Variants in CNN1 observed in about 807,000 individuals in gnomAD.
CNN1 encodes calponin-1.
Under a neutral mutation model 35.3 loss-of-function variants are expected in CNN1, and 21 were observed. That is an observed-to-expected ratio of 0.60 (90% CI 0.42 to 0.86). CNN1 has a LOEUF of 0.86. CNN1 is among the 40% of genes least tolerant of loss of function. CNN1 has a pLI of 0.00. For missense variants in CNN1, 314 were observed against 400.8 expected, an observed-to-expected ratio of 0.78 and a Z score of 1.85; for synonymous variants, 164 against 161.8, an observed-to-expected ratio of 1.01 and a Z score of -0.10.
At chr19:11,546,781 C>T (rs1972595666) in intron 3 of CNN1, 40 bp downstream of exon 3, 2 of 1,613,504 alleles carry the variant, frequency 1.2e-6, no homozygotes, top group African/African-American at 2.7e-5. Flanking sequence ...TGCCCGCAAG[C>T]CCCTCAGACC....
At chr19:11,541,599 G>GT (rs1193286440) in intron 2 of CNN1, among the ~76,000 whole-genome samples, 4 of 151,926 alleles carry the variant, frequency 2.6e-5, no homozygotes, top group South Asian at 2.1e-4. Flanking sequence ...TTTTCTTTTT[G>GT]TTTTTTTGAG....
At chr19:11,540,556 C>T (rs952249004) in intron 1 of CNN1, 4 of 153,194 alleles carry the variant, frequency 2.6e-5, no homozygotes, top group African/African-American at 7.3e-5. Flanking sequence ...CAAGCCCCCA[C>T]CACTAACCAG....
At chr19:11,541,271 C>T in intron 2 of CNN1, 74 bp downstream of exon 2, 1 of 1,467,530 alleles carries the variant, frequency 6.8e-7, no homozygotes, top group Non-Finnish European at 9.0e-7. Flanking sequence ...CCCAAAACAA[C>T]CATGATCCTG....
chr19:11,547,070 G>A lies in CNN1; in HGVS notation c.390+101G>A. On this transcript the variant is annotated intron_variant, in intron 4 of 6. Transcript: ENST00000252456. Reference sequence around the variant, plus strand: ...TGAGCCCAGTGAAGGTGGCGGAGCGGGGGGCAGGGATCGGGGAGCAGGTGC... The same window carrying A: ...TGAGCCCAGTGAAGGTGGCGGAGCGAGGGGCAGGGATCGGGGAGCAGGTGC... The A allele has an allele frequency of 3.9e-6, 6 of 1,548,264 alleles. No homozygotes were observed. The South Asian group carries it at 7.0e-5, about 18-fold the overall frequency.
intron 2 of CNN1, among the ~76,000 whole-genome samples, chr19:11,543,714 C>T (rs1207543229): frequency 1.4e-5 from 2 of 138,638 alleles, no homozygotes; most frequent in Non-Finnish European, 3.0e-5. Context: ...ACCCGGGAGG[C>T]GGAGCTTGCA....
In CNN1 at chr19:11,549,498, C is replaced by T. The variant is rs761225781; in HGVS notation, c.648+29C>T. On this transcript the variant is annotated intron_variant, in intron 6 of 6. Transcript: ENST00000252456. The surrounding 1 kb of genome is among the most constrained non-coding windows in gnomAD (Gnocchi z 5.2). ...AGTGGGGGCCCCCGGGACACGCCGT[C>T]AAGGCCCAGGACCCTGGCCACCCCA... is the stretch of plus-strand genomic sequence containing the variant. The T allele has an allele frequency of 6.2e-7, 1 of 1,611,382 alleles. No homozygotes were observed. The highest frequency in any genetic ancestry group is 2.2e-5 in the East Asian group (1 of 44,806).
In CNN1 at chr19:11,545,348, T is replaced by C. The variant is rs1437405001; in HGVS notation, c.186-1327T>C. The stretch of plus-strand genomic sequence containing the variant: ...GGAGGTGGCGGGGAGCAGTGGGTGG[T>C]TTTCTGGACTCATTAAAAGGCAGAG... On this transcript the variant is annotated intron_variant, in intron 2 of 6. Coordinates refer to ENST00000252456, the MANE Select transcript of CNN1 (RefSeq NM_001299.6). Among the ~76,000 whole-genome samples, 5 of 151,032 alleles carry C rather than the reference T, an allele frequency of 3.3e-5. No homozygotes were observed. In the Admixed American group the frequency reaches 3.3e-4, roughly 10 times the overall value.
chr19:11,547,041 C>A, intron 4 of CNN1, 72 bp downstream of exon 4: 1 of 1,593,116 alleles, frequency 6.3e-7, no homozygotes, highest in Non-Finnish European at 8.6e-7. Context: ...GCCACTTGTG[C>A]TCCTGAGCCC....
chr19:11,546,656 C>G lies in CNN1; in HGVS notation c.186-19C>G, dbSNP rs762248348. On this transcript the variant is annotated intron_variant, in intron 2 of 6. Coordinates refer to ENST00000252456, the MANE Select transcript of CNN1 (RefSeq NM_001299.6). ...ACCCTGGGGGGACACCTTTCTTACC[C>G]CTTCCCCACTCTTCTCAGATTCATC... 6.2e-7 allele frequency: 1 copy of G among 1,613,900 alleles called. No individual in the cohort carries two copies. Among genetic ancestry groups the G allele is most frequent in the Non-Finnish European group, 8.5e-7 (1 of 1,179,938 alleles).
chr19:11,541,122 G>A lies in CNN1; in HGVS notation c.110G>A (p.Trp37Ter). 6.2e-7 allele frequency: 1 copy of A among 1,610,282 alleles called. No homozygotes were observed. Among genetic ancestry groups the A allele is most frequent in the Non-Finnish European group, 8.5e-7 (1 of 1,178,166 alleles). The change falls in exon 2 of 7, where the codon TGG becomes TAG. Residue 37 changes from tryptophan to a stop codon, truncating the protein, a stop_gained. Coordinates refer to ENST00000252456, the MANE Select transcript of CNN1 (RefSeq NM_001299.6). LOFTEE classifies it high-confidence loss of function. Reference sequence around the variant, plus strand: ...CAGCGGGAGCAGGAGCTGAGAGAGTGGATCGAGGGGGTGACAGGCCGTCGC... The same window carrying A: ...CAGCGGGAGCAGGAGCTGAGAGAGTAGATCGAGGGGGTGACAGGCCGTCGC... ...DHQREQELRE[W>*]IEGVTGRRIG...
chr19:11,539,268 T>G (rs916200596), intron 1 of CNN1: 1 of 1,207,304 alleles, frequency 8.3e-7, no homozygotes. Flanking sequence ...CTGTTAACCC[T>G]TCGTGTTCTT....
intron 1 of CNN1, chr19:11,540,809 C>G: frequency 2.8e-6 from 1 of 363,200 alleles, no homozygotes; most frequent in Non-Finnish European, 5.0e-6. Context: ...GGATCCAGCT[C>G]CCCACACCCC....
chr19:11,547,105 C>T lies in CNN1; in HGVS notation c.390+136C>T, dbSNP rs567883053. ...ATCGGGGAGCAGGTGCTGTCAACAG[C>T]GTCCAAGGGGGCCGGGCGCGGTCGC... On this transcript the variant is annotated intron_variant, in intron 4 of 6. Coordinates refer to ENST00000252456, the MANE Select transcript of CNN1 (RefSeq NM_001299.6). 25 of 1,319,806 alleles carry T rather than the reference C, an allele frequency of 1.9e-5. No homozygotes were observed. In the South Asian group the frequency reaches 2.7e-4, roughly 14 times the overall value. 81.8% of individuals were successfully genotyped at this position (1,319,806 alleles called of 1,614,324 possible).
At chr19:11,542,880 C>G (rs1972497208) in intron 2 of CNN1, among the ~76,000 whole-genome samples, 1 of 152,170 alleles carries the variant, frequency 6.6e-6, no homozygotes, top group African/African-American at 2.4e-5. Context: ...GGCTCCACTG[C>G]AATCTTAATG....
intron 2 of CNN1, 83 bp downstream of exon 2, chr19:11,541,280 T>G: frequency 2.1e-6 from 3 of 1,455,236 alleles, no homozygotes; most frequent in Middle Eastern, 1.8e-4. Flanking sequence ...ACCATGATCC[T>G]GGAACTGAGT....
intron 2 of CNN1, among the ~76,000 whole-genome samples, chr19:11,543,173 C>T (rs1972502747): frequency 6.6e-6 from 1 of 152,010 alleles, no homozygotes; most frequent in African/African-American, 2.4e-5. Flanking sequence ...TAGCCAGATT[C>T]CATCTCTACA....
In CNN1 at chr19:11,539,309, G is replaced by A. The variant is rs142362970; in HGVS notation, c.63+319G>A. On this transcript the variant is annotated intron_variant, in intron 1 of 6. Coordinates refer to ENST00000252456, the MANE Select transcript of CNN1 (RefSeq NM_001299.6). ...GAACAACATAGGGGGAAGACTTGTT[G>A]ATTTTTCCATATCCCCCGGCCTGAC... 32 of 1,131,880 alleles carry A rather than the reference G, an allele frequency of 2.8e-5. No individual in the cohort carries two copies. In the African/African-American group the frequency reaches 5.1e-4, roughly 18 times the overall value. The allele number at this position is 1,131,880 out of a possible 1,614,324, so 70.1% of individuals were successfully genotyped here.
At chr19:11,547,065 G>GCGCGGGGGGC in intron 4 of CNN1, 96 bp downstream of exon 4, 1 of 1,559,364 alleles carries the variant, frequency 6.4e-7, no homozygotes, top group Non-Finnish European at 8.8e-7. Context: ...GAAGGTGGCG[G>GCGCGGGGGGC]AGCGGGGGGC....
At chr19:11,539,478 A>C in intron 1 of CNN1, 1 of 1,113,440 alleles carries the variant, frequency 9.0e-7, no homozygotes, top group Non-Finnish European at 1.1e-6. Flanking sequence ...CTGTGGAGCT[A>C]GGAAGATACC....
Sources: allele counts gnomAD v4.1 joint callset (sites outside exome capture counted in the v4.1 genomes callset), GRCh38; gene constraint gnomAD v4.1.1; non-coding constraint Gnocchi (gnomAD v3.1); transcripts MANE v1.5; gene names NCBI Gene and HGNC (gene_info 2026-07-23, HGNC 2026-07-21).